The following OPCML variants were observed in gnomAD, a reference collection of about 807,000 sequenced individuals.
The protein encoded by OPCML is opioid-binding protein/cell adhesion molecule.
In OPCML, 13 loss-of-function variants were observed where a neutral mutation model predicts 37.8. The observed-to-expected ratio is 0.34, with a 90% CI of 0.22 to 0.55. OPCML has a LOEUF of 0.55. OPCML is among the 20% of genes least tolerant of loss of function. OPCML has a pLI of 0.91. For synonymous variants in OPCML, 176 were observed against 168.8 expected (o/e 1.04, Z -0.33); for missense variants, 341 against 435.6 (o/e 0.78, Z 1.93).
chr11:132,446,578 G>C (rs1210246137), intron 4 of OPCML, among the ~76,000 whole-genome samples: 1 of 152,070 alleles, frequency 6.6e-6, no homozygotes, highest in Non-Finnish European at 1.5e-5. Flanking sequence ...TTACATAGTA[G>C]AGCTTAAACA....
At chr11:133,289,586 C>T (rs1403134597) in intron 1 of OPCML, among the ~76,000 whole-genome samples, 1 of 127,852 alleles carries the variant, frequency 7.8e-6, no homozygotes, top group African/African-American at 3.2e-5. Context: ...CAGAGCGAGA[C>T]TCCATCTCAA....
intron 1 of OPCML, among the ~76,000 whole-genome samples, chr11:133,351,109 C>G (rs1432877559): frequency 6.6e-6 from 1 of 152,126 alleles, no homozygotes; most frequent in East Asian, 1.9e-4. Flanking sequence ...CAAAGCAGGA[C>G]CACAAAATTG....
chr11:132,617,964 T>C (rs549798417), intron 3 of OPCML, among the ~76,000 whole-genome samples: 24 of 152,300 alleles, frequency 1.6e-4, no homozygotes, highest in African/African-American at 4.1e-4. Flanking sequence ...CTATAACAGG[T>C]ACCAAGTAAG....
At chr11:133,024,926 T>A (rs1382261602) in intron 1 of OPCML, 1 of 985,278 alleles carries the variant, frequency 1.0e-6, no homozygotes, top group Non-Finnish European at 1.2e-6. Flanking sequence ...AATTTGCATA[T>A]ATTTGAATTC....
At chr11:132,823,351 T>C (rs766384909) in intron 2 of OPCML, among the ~76,000 whole-genome samples, 2 of 152,182 alleles carry the variant, frequency 1.3e-5, no homozygotes, top group Non-Finnish European at 2.9e-5. Context: ...TAGGAAACTA[T>C]CCGCACCTGT....
chr11:132,935,474 T>C (rs1275724472), intron 2 of OPCML, among the ~76,000 whole-genome samples: 1 of 152,246 alleles, frequency 6.6e-6, no homozygotes, highest in Non-Finnish European at 1.5e-5. Flanking sequence ...GATAACATTC[T>C]TTATGATGAT....
At chr11:133,108,469 A>C (rs1488109626) in intron 1 of OPCML, among the ~76,000 whole-genome samples, 2 of 152,174 alleles carry the variant, frequency 1.3e-5, no homozygotes, top group African/African-American at 2.4e-5. Flanking sequence ...TCAAGGAGGA[A>C]ATACCCCTGA....
chr11:133,467,807 C>T (rs75312449), intron 1 of OPCML, among the ~76,000 whole-genome samples: 199 of 152,276 alleles, frequency 1.3e-3, no homozygotes, highest in African/African-American at 4.6e-3. Context: ...TCAATGAATT[C>T]CCTCACACTC....
At chr11:133,349,813 G>A (rs1184554747) in intron 1 of OPCML, among the ~76,000 whole-genome samples, 1 of 152,148 alleles carries the variant, frequency 6.6e-6, no homozygotes, top group Non-Finnish European at 1.5e-5. Context: ...AAAATATTTT[G>A]ACTTATGCAC....
chr11:133,471,729 G>A (rs1442271754), intron 1 of OPCML, among the ~76,000 whole-genome samples: 1 of 152,190 alleles, frequency 6.6e-6, no homozygotes, highest in African/African-American at 2.4e-5. Context: ...GTAGTAAAAT[G>A]TTTCCATGAT....
intron 2 of OPCML, among the ~76,000 whole-genome samples, chr11:132,798,977 CA>C (rs1938489289): frequency 6.6e-6 from 1 of 152,158 alleles, no homozygotes; most frequent in Non-Finnish European, 1.5e-5. Flanking sequence ...TGCTGTCATC[CA>C]GGCTCTGTTG....
chr11:132,923,566 C>T (rs1944884512), intron 2 of OPCML, among the ~76,000 whole-genome samples: 1 of 151,952 alleles, frequency 6.6e-6, no homozygotes, highest in African/African-American at 2.4e-5. Flanking sequence ...TGCAAATTAC[C>T]ACACAAATAA....
At chr11:133,108,256 G>A (rs1456857882) in intron 1 of OPCML, among the ~76,000 whole-genome samples, 1 of 152,174 alleles carries the variant, frequency 6.6e-6, no homozygotes, top group Non-Finnish European at 1.5e-5. Context: ...GAATTAATAT[G>A]CAACTCAGTT....
chr11:133,290,185 G>T (rs1227212156), intron 1 of OPCML, among the ~76,000 whole-genome samples: 1 of 152,194 alleles, frequency 6.6e-6, no homozygotes, highest in African/African-American at 2.4e-5. Context: ...TGTCTCAGCA[G>T]CTGCACTGCT....
At position 132,799,606 on chromosome 11, in the gene OPCML, C is replaced by G. The variant is rs572216155; in HGVS notation, c.147-142287G>C. Among the ~76,000 whole-genome samples, 32 of 151,776 alleles carry G rather than the reference C, an allele frequency of 2.1e-4. No homozygotes were observed. The South Asian group carries it at 2.9e-3, about 14-fold the overall frequency. On this transcript the variant is annotated intron_variant, in intron 2 of 7. Transcript: ENST00000524381. ...TCCATAACAGATCCAATAGTAATGA[C>G]AAAGTTTGAAATATTGTGAGAATTA...
At chr11:133,247,753 C>T (rs1940993093) in intron 1 of OPCML, among the ~76,000 whole-genome samples, 1 of 151,892 alleles carries the variant, frequency 6.6e-6, no homozygotes, top group South Asian at 2.1e-4. Context: ...TCCACATGAG[C>T]CACCATGCCC....
rs571732673 is a variant in OPCML at position 132,718,660 on chromosome 11, C to T, written c.147-61341G>A. On this transcript the variant is annotated intron_variant, in intron 2 of 7. Transcript: ENST00000524381. ...TAGCTACACCACTGTGGATAGTGGA[C>T]GTGTGCTTCTGGGGTCATCCCAGTG... Among the ~76,000 whole-genome samples, 13 of 152,230 alleles carry T rather than the reference C, an allele frequency of 8.5e-5. No individual in the cohort carries two copies. The South Asian group carries it at 2.5e-3, about 29-fold the overall frequency.
At chr11:132,912,158 A>T (rs1944448426) in intron 2 of OPCML, among the ~76,000 whole-genome samples, 1 of 90,532 alleles carries the variant, frequency 1.1e-5, no homozygotes. Context: ...AGACTCCAAT[A>T]AAAAAAAAAG....
chr11:132,691,958 C>T (rs747397464), intron 2 of OPCML, among the ~76,000 whole-genome samples: 4 of 151,990 alleles, frequency 2.6e-5, no homozygotes, highest in Non-Finnish European at 4.4e-5. Flanking sequence ...GGCAAAATAC[C>T]CTCCTGGTTG....
Sources: gnomAD v4.1 joint callset for allele counts (sites outside exome capture counted in the v4.1 genomes callset) on GRCh38, gnomAD v4.1.1 for gene constraint, MANE v1.5 for transcripts, NCBI Gene and HGNC (gene_info 2026-07-23, HGNC 2026-07-21) for gene names.